AMPD3: variants seen among roughly 807,000 people sequenced by gnomAD.
AMPD3 encodes the protein AMP deaminase 3.
In AMPD3, 57 loss-of-function variants were observed where a neutral mutation model predicts 82.3. That is an observed-to-expected ratio of 0.69 (90% CI 0.56 to 0.86). The LOEUF is 0.86. Among genes scored for constraint, AMPD3 ranks in the 40% least tolerant of loss-of-function variants. AMPD3 has a pLI of 0.00. For synonymous variants in AMPD3, 381 were observed against 394.7 expected (o/e 0.97, Z 0.41); for missense variants, 870 against 1,003.8 (o/e 0.87, Z 1.80).
upstream of AMPD3, chr11:10,451,003 G>T: frequency 6.3e-7 from 1 of 1,577,208 alleles, no homozygotes. Context: ...CCCTGCGGCC[G>T]TCCCTTTCGG....
intron 2 of AMPD3, among the ~76,000 whole-genome samples, chr11:10,475,680 G>A (rs1848717971): frequency 6.6e-6 from 1 of 152,164 alleles, no homozygotes; most frequent in Non-Finnish European, 1.5e-5. Flanking sequence ...TTAATCCCAT[G>A]AGCCCGTAAA....
intron 3 of AMPD3, among the ~76,000 whole-genome samples, chr11:10,479,633 T>C (rs1848844318): frequency 6.6e-6 from 1 of 152,270 alleles, no homozygotes; most frequent in African/African-American, 2.4e-5. Context: ...TAGTTTCTTA[T>C]GTATTCTCAC....
At chr11:10,469,182 C>A (rs1848509008) in intron 2 of AMPD3, among the ~76,000 whole-genome samples, 1 of 150,168 alleles carries the variant, frequency 6.7e-6, no homozygotes, top group Non-Finnish European at 1.5e-5. Context: ...AAAAACTCTT[C>A]AAAAACTCAA....
At chr11:10,497,213 A>C (rs1274107550) in intron 10 of AMPD3, among the ~76,000 whole-genome samples, 3 of 151,944 alleles carry the variant, frequency 2.0e-5, no homozygotes, top group Non-Finnish European at 4.4e-5. Flanking sequence ...CAGTGGGCAA[A>C]GACTGGGAAC....
At chr11:10,473,417 G>A (rs934954438) in intron 2 of AMPD3, 1 of 985,294 alleles carries the variant, frequency 1.0e-6, no homozygotes, top group Non-Finnish European at 1.2e-6. Context: ...AAGCGAAGGT[G>A]AGTGGCAGGA....
intron 10 of AMPD3, among the ~76,000 whole-genome samples, chr11:10,497,292 G>GAT (rs1554900740): frequency 6.6e-6 from 1 of 150,890 alleles, no homozygotes; most frequent in African/African-American, 2.4e-5. Context: ...GCAGCCTCAG[G>GAT]TTTTTTTTTC....
chr11:10,479,905 C>A, intron 3 of AMPD3: 1 of 985,378 alleles, frequency 1.0e-6, no homozygotes, highest in African/African-American at 1.7e-5. Flanking sequence ...GGGTTGGAAA[C>A]AATGCAGGCC....
chr11:10,505,351 A>G (rs184817949), intron 14 of AMPD3: 689 of 966,836 alleles, frequency 7.1e-4, no homozygotes, highest in Non-Finnish European at 7.8e-4. Flanking sequence ...GGCCCTCCCC[A>G]GGAACATTGT....
chr11:10,485,110 C>T (rs1309002345), intron 5 of AMPD3, 71 bp downstream of exon 5: 1 of 1,435,324 alleles, frequency 7.0e-7, no homozygotes, highest in Non-Finnish European at 9.6e-7. Context: ...TGAGAAAGGC[C>T]TCACCCCTCT....
intron 7 of AMPD3, chr11:10,493,782 C>A: frequency 1.7e-6 from 1 of 587,180 alleles, no homozygotes; most frequent in Non-Finnish European, 3.1e-6. Context: ...CCACTCCTGC[C>A]ACTTAGGAGT....
intron 2 of AMPD3, among the ~76,000 whole-genome samples, chr11:10,469,820 A>G (rs911272473): frequency 6.6e-6 from 1 of 152,114 alleles, no homozygotes; most frequent in Non-Finnish European, 1.5e-5. Context: ...CGGGCAGATC[A>G]CGAGGTCAGG....
intron 2 of AMPD3, chr11:10,477,074 G>A: frequency 2.0e-6 from 2 of 985,498 alleles, no homozygotes; most frequent in African/African-American, 3.5e-5. Flanking sequence ...TGTAAACACG[G>A]GAGGAGAACT....
Position 10,484,977 on chromosome 11 carries a change from C to A in AMPD3, c.747C>A (p.Pro249=), listed in dbSNP as rs771609974. The A allele has an allele frequency of 6.2e-7, 1 of 1,606,770 alleles. No individual in the cohort carries two copies. The highest frequency in any genetic ancestry group is 8.5e-7 in the Non-Finnish European group (1 of 1,177,018). ...AGGAGCCGCACAGCCTACCCTACCCCGACCTGGAGACCTACACGGTGGACA... is the reference window on the plus strand; with the variant it reads ...AGGAGCCGCACAGCCTACCCTACCCAGACCTGGAGACCTACACGGTGGACA... The part of the protein sequence containing the change: ...EHQEPHSLPY[P]DLETYTVDMS... Residue 249 remains proline, a synonymous_variant, in exon 5 of 15, where the codon CCC becomes CCA. Coordinates refer to ENST00000396553, the MANE Select transcript of AMPD3 (RefSeq NM_001025389.2).
At chr11:10,451,994 G>A (rs1847975243), upstream of AMPD3, among the ~76,000 whole-genome samples, 1 of 152,140 alleles carries the variant, frequency 6.6e-6, no homozygotes, top group Non-Finnish European at 1.5e-5. Flanking sequence ...GCAGCTTCAT[G>A]GGGCCTGGCT....
At chr11:10,501,335 C>T in intron 11 of AMPD3, 135 bp from the exon 12 acceptor site, 2 of 1,457,502 alleles carry the variant, frequency 1.4e-6, no homozygotes, top group Non-Finnish European at 1.8e-6. Flanking sequence ...GGGGTAGTTT[C>T]CAGGGTGCAC....
Position 10,500,914 on chromosome 11 carries a change from C to G in AMPD3, c.1722-556C>G, listed in dbSNP as rs1849561782. ...TCCCCTGCTGGGCCCTGGGGTCTCT[C>G]TAGCTCAGCCTAAACTGGTGCTAGT... is the stretch of plus-strand genomic sequence containing the variant. On this transcript the variant is annotated intron_variant, in intron 11 of 14. Coordinates refer to ENST00000396553, the MANE Select transcript of AMPD3 (RefSeq NM_001025389.2). 5 of 985,298 alleles carry G rather than the reference C, an allele frequency of 5.1e-6. No homozygotes were observed. The Admixed American group carries it at 1.8e-4, about 36-fold the overall frequency. The allele number at this position is 985,298 out of a possible 1,614,324, so 61.0% of individuals were successfully genotyped here.
At chr11:10,457,077 G>A (rs1051685400) in intron 1 of AMPD3, among the ~76,000 whole-genome samples, 6 of 149,176 alleles carry the variant, frequency 4.0e-5, no homozygotes, top group South Asian at 2.1e-4. Flanking sequence ...TCCAGGACTC[G>A]AGCAATTCTC....
chr11:10,482,418 G>A (rs1230949751), intron 4 of AMPD3, among the ~76,000 whole-genome samples, 193 bp downstream of exon 4: 1 of 152,238 alleles, frequency 6.6e-6, no homozygotes, highest in Non-Finnish European at 1.5e-5. Context: ...CCTAGCCTGT[G>A]CAGAGCTGAA....
intron 2 of AMPD3, among the ~76,000 whole-genome samples, chr11:10,469,095 G>C (rs1848506726): frequency 6.6e-6 from 1 of 152,112 alleles, no homozygotes; most frequent in African/African-American, 2.4e-5. Flanking sequence ...AGAGAAGCAA[G>C]AGCAAACAAA....
Sources: allele counts gnomAD v4.1 joint callset (sites outside exome capture counted in the v4.1 genomes callset), GRCh38; gene constraint gnomAD v4.1.1; transcripts MANE v1.5; gene names NCBI Gene and HGNC (gene_info 2026-07-23, HGNC 2026-07-21).